Variants in ZFHX3 observed in about 807,000 individuals in gnomAD.
ZFHX3 encodes the protein zinc finger homeobox protein 3.
In ZFHX3, 42 loss-of-function variants were observed where a neutral mutation model predicts 279.1. That is an observed-to-expected ratio of 0.15 (90% CI 0.12 to 0.19). The LOEUF (loss-of-function observed/expected upper bound fraction) is 0.19, where lower values mean the gene tolerates loss of function less well. Ranked by LOEUF, ZFHX3 falls within the 10% of genes least tolerant of loss-of-function variation. The probability of loss-of-function intolerance (pLI) is 1.00; values close to 1 mark genes in which losing one functional copy is unlikely to be tolerated. For missense variants in ZFHX3, 4,981 were observed against 4,754.0 expected, an observed-to-expected ratio of 1.05 and a Z score of -1.40; for synonymous variants, 2,293 against 1,957.8, an observed-to-expected ratio of 1.17 and a Z score of -4.52.
intron 3 of ZFHX3, among the ~76,000 whole-genome samples, chr16:73,369,692 T>G (rs1185928098): frequency 6.6e-6 from 1 of 152,178 alleles, no homozygotes. Flanking sequence ...TGCTGGTGGC[T>G]CTTGCTCCTG....
At chr16:73,549,786 T>G (rs2020175934) in intron 2 of ZFHX3, among the ~76,000 whole-genome samples, 1 of 152,084 alleles carries the variant, frequency 6.6e-6, no homozygotes, top group African/African-American at 2.4e-5. Flanking sequence ...TCACCACAAC[T>G]CCTGGCTTTT....
chr16:73,475,446 C>A (rs1018688298), intron 2 of ZFHX3, among the ~76,000 whole-genome samples: 1 of 151,910 alleles, frequency 6.6e-6, no homozygotes, highest in Non-Finnish European at 1.5e-5. Context: ...ATTTTTTTGT[C>A]ATATCTATTT....
At chr16:73,824,127 C>A (rs1378942220) in intron 1 of ZFHX3, among the ~76,000 whole-genome samples, 1 of 152,156 alleles carries the variant, frequency 6.6e-6, no homozygotes, top group Admixed American at 6.5e-5. Flanking sequence ...GTTGAACCGG[C>A]TTCCCTACTG....
At chr16:73,190,662 G>A (rs967205547) in intron 5 of ZFHX3, among the ~76,000 whole-genome samples, 2 of 152,182 alleles carry the variant, frequency 1.3e-5, no homozygotes, top group Non-Finnish European at 2.9e-5. Flanking sequence ...CATTTCCAGG[G>A]TGAGATACAC....
rs1015027121 is a variant in ZFHX3 at position 73,224,096 on chromosome 16, G to T, written c.-1104+32951C>A. Among the ~76,000 whole-genome samples the T allele has an allele frequency of 8.5e-5, 13 of 152,246 alleles. No homozygotes were observed. The East Asian group carries it at 2.5e-3, about 29-fold the overall frequency. On this transcript the variant is annotated intron_variant, in intron 5 of 17. Transcript: ENST00000641206. ...AAAGTACTCTGTATGGTACTATAGT[G>T]GTAGATACATGTCACTATAAATTTG...
chr16:73,888,743 G>A (rs1025806962), intron 1 of ZFHX3, among the ~76,000 whole-genome samples: 1 of 152,184 alleles, frequency 6.6e-6, no homozygotes. Context: ...CCGGGTGGAT[G>A]TCTGGGCTGG....
intron 1 of ZFHX3, among the ~76,000 whole-genome samples, chr16:73,750,106 G>A (rs1475748020): frequency 6.6e-6 from 1 of 152,160 alleles, no homozygotes; most frequent in Non-Finnish European, 1.5e-5. Flanking sequence ...CCTCTGAGAT[G>A]GAACTGGAGA....
At chr16:73,743,645 C>A (rs2053678270) in intron 1 of ZFHX3, among the ~76,000 whole-genome samples, 1 of 152,046 alleles carries the variant, frequency 6.6e-6, no homozygotes, top group South Asian at 2.1e-4. Context: ...CATACATACA[C>A]AGGTAACTCC....
chr16:73,008,933 T>TGC (rs1401714518), intron 1 of ZFHX3, among the ~76,000 whole-genome samples: 1 of 151,916 alleles, frequency 6.6e-6, no homozygotes, highest in African/African-American at 2.4e-5. Context: ...TGTGTGTGTG[T>TGC]GTGTGTATGT....
intron 1 of ZFHX3, among the ~76,000 whole-genome samples, chr16:73,806,542 C>A (rs1247462563): frequency 6.6e-6 from 1 of 151,072 alleles, no homozygotes; most frequent in Non-Finnish European, 1.5e-5. Context: ...CCAAGAAGGG[C>A]AAGCTTAGGG....
intron 1 of ZFHX3, among the ~76,000 whole-genome samples, chr16:73,743,670 C>CA (rs1372319903): frequency 2.0e-5 from 3 of 151,796 alleles, no homozygotes; most frequent in African/African-American, 7.3e-5. Flanking sequence ...TATATATATA[C>CA]AAGAAAAAGA....
intron 1 of ZFHX3, chr16:73,815,657 G>A (rs917093913): frequency 3.3e-5 from 5 of 152,070 alleles, no homozygotes; most frequent in Non-Finnish European, 7.4e-5. Flanking sequence ...CATCTCCAGG[G>A]TTCAAGCAAT....
intron 5 of ZFHX3, among the ~76,000 whole-genome samples, chr16:73,168,656 A>G (rs1967450595): frequency 6.6e-6 from 1 of 152,114 alleles, no homozygotes; most frequent in African/African-American, 2.4e-5. Context: ...CCTCCCCGCA[A>G]TTCCCCCAAT....
intron 1 of ZFHX3, among the ~76,000 whole-genome samples, chr16:73,878,951 A>G (rs1285073288): frequency 1.3e-5 from 2 of 149,236 alleles, no homozygotes; most frequent in Admixed American, 1.3e-4. Flanking sequence ...ATATATATAT[A>G]TATATATATA....
chr16:73,812,994 T>A (rs963802837), intron 1 of ZFHX3, among the ~76,000 whole-genome samples: 1 of 152,238 alleles, frequency 6.6e-6, no homozygotes, highest in Non-Finnish European at 1.5e-5. Flanking sequence ...CTGCACTAAG[T>A]GGTAGATATT....
At chr16:72,921,167 G>A (rs2039573581) in intron 3 of ZFHX3, among the ~76,000 whole-genome samples, 1 of 151,450 alleles carries the variant, frequency 6.6e-6, no homozygotes, top group Non-Finnish European at 1.5e-5. Context: ...CTTAAGGACG[G>A]AGCTCATTTC....
At chr16:73,044,736 C>T (rs1268585976) in intron 1 of ZFHX3, among the ~76,000 whole-genome samples, 1 of 152,198 alleles carries the variant, frequency 6.6e-6, no homozygotes, top group Admixed American at 6.5e-5. Flanking sequence ...ATTCTCCTGC[C>T]TCGGCCTCCT....
Position 72,797,921 on chromosome 16 carries a change from G to A in ZFHX3, c.4761C>T (p.Pro1587=). Residue 1587 remains proline (P), a synonymous_variant, in exon 9 of 10, where the codon CCC becomes CCT. Coordinates refer to ENST00000268489, the MANE Select transcript of ZFHX3 (RefSeq NM_006885.4). ...LQESATGQPE[P]TSSPDNKPFK... is the part of the protein sequence containing the mutation. ...AAGGTTTGTTGTCTGGGCTGCTGGT[G>A]GGTTCTGGCTGACCGGTTGCTGATT... 3 of 1,614,192 alleles carry A rather than the reference G, an allele frequency of 1.9e-6. No homozygotes were observed. Among genetic ancestry groups the A allele is most frequent in the Non-Finnish European group, 2.5e-6 (3 of 1,180,036 alleles).
At chr16:73,590,087 A>G (rs1046219340) in intron 2 of ZFHX3, among the ~76,000 whole-genome samples, 19 of 152,166 alleles carry the variant, frequency 1.2e-4, no homozygotes, top group African/African-American at 4.3e-4. Flanking sequence ...AAGCAATCCT[A>G]TTGGCATGGG....
Sources: allele counts gnomAD v4.1 joint callset (sites outside exome capture counted in the v4.1 genomes callset), GRCh38; gene constraint gnomAD v4.1.1; transcripts MANE v1.5; gene names NCBI Gene and HGNC (gene_info 2026-07-23, HGNC 2026-07-21).